ROBO2: variants seen among roughly 807,000 people sequenced by gnomAD.
ROBO2 encodes roundabout guidance receptor 2, also known as roundabout homolog 2.
A neutral mutation model predicts 160.8 loss-of-function variants in ROBO2; 53 were observed. The ratio of observed to expected loss-of-function variants is 0.33; its 90% CI spans 0.26 to 0.41. The LOEUF is 0.41. ROBO2 is among the 10% of genes least tolerant of loss of function. The pLI, the probability that ROBO2 is intolerant of heterozygous loss-of-function variation, is 1.00. For missense variants in ROBO2, 1,577 were observed against 1,722.4 expected (o/e 0.92, Z 1.49); for synonymous variants, 664 against 611.7 (o/e 1.09, Z -1.26).
At chr3:76,495,581 A>G (rs1048751462) in intron 2 of ROBO2, among the ~76,000 whole-genome samples, 1 of 140,246 alleles carries the variant, frequency 7.1e-6, no homozygotes, top group Non-Finnish European at 1.6e-5. Context: ...TAGGCTATAG[A>G]CCATTTTCTA....
At chr3:77,622,530 A>C in intron 23 of ROBO2, 98 bp downstream of exon 24, 1 of 981,294 alleles carries the variant, frequency 1.0e-6, no homozygotes, top group Non-Finnish European at 1.6e-6. Flanking sequence ...ATTCCACTCC[A>C]TCTATTTCTG....
chr3:76,238,895 A>G (rs530035048), intron 2 of ROBO2, among the ~76,000 whole-genome samples: 1 of 152,306 alleles, frequency 6.6e-6, no homozygotes, highest in South Asian at 2.1e-4. Flanking sequence ...CTGCTTTTAG[A>G]GAGTAGATTG....
intron 12 of ROBO2, among the ~76,000 whole-genome samples, chr3:77,567,087 GAA>G (rs561362156): frequency 1.4e-5 from 2 of 141,362 alleles, no homozygotes; most frequent in African/African-American, 5.1e-5. Context: ...TGTTAAAAAT[GAA>G]AAAAAAAAAG....
chr3:76,138,521 G>A (rs948976376), intron 2 of ROBO2, among the ~76,000 whole-genome samples: 10 of 151,986 alleles, frequency 6.6e-5, no homozygotes, highest in African/African-American at 2.2e-4. Flanking sequence ...TGGCACATTA[G>A]CATTTTCAAT....
At chr3:76,622,222 G>GAAAGAAAGAAAGAAAGAAAGAAAGAAA (rs1560251541) in intron 2 of ROBO2, among the ~76,000 whole-genome samples, 4 of 52,456 alleles carry the variant, frequency 7.6e-5, no homozygotes, top group African/African-American at 2.6e-4. Context: ...AAGGAAGGAA[G>GAAAGAAAGAAAGAAAGAAAGAAAGAAA]GAAGGAAGGA....
chr3:77,060,187 G>T (rs1317669670), intron 1 of ROBO2, among the ~76,000 whole-genome samples: 2 of 152,122 alleles, frequency 1.3e-5, no homozygotes, highest in Non-Finnish European at 2.9e-5. Context: ...TATAGCATTG[G>T]GTGTGTTGGT....
chr3:76,248,649 GA>G (rs946518595), intron 2 of ROBO2, among the ~76,000 whole-genome samples: 4 of 123,450 alleles, frequency 3.2e-5, no homozygotes, highest in East Asian at 2.8e-4. Flanking sequence ...AATAATAAAA[GA>G]AAAAAAACTT....
At chr3:77,366,811 G>C (rs2070949272) in intron 2 of ROBO2, among the ~76,000 whole-genome samples, 1 of 151,974 alleles carries the variant, frequency 6.6e-6, no homozygotes, top group Non-Finnish European at 1.5e-5. Context: ...GAGAGATACA[G>C]AGAGAGAAAG....
At chr3:77,564,961 G>A (rs772792868) in exon 12 of ROBO2, 1 of 1,613,302 alleles carries the variant, frequency 6.2e-7, no homozygotes, top group Non-Finnish European at 8.5e-7. Flanking sequence ...CAGCCAATCA[G>A]TGAGCAACAG....
At chr3:77,216,917 G>C (rs1052019959) in intron 2 of ROBO2, among the ~76,000 whole-genome samples, 2 of 151,814 alleles carry the variant, frequency 1.3e-5, no homozygotes, top group African/African-American at 2.4e-5. Context: ...AGATAGATTA[G>C]GGAGACCAGG....
At chr3:77,296,448 A>G (rs1258439036) in intron 2 of ROBO2, among the ~76,000 whole-genome samples, 1 of 152,158 alleles carries the variant, frequency 6.6e-6, no homozygotes, top group Non-Finnish European at 1.5e-5. Context: ...CTAGGGCACG[A>G]AGTCACACAC....
chr3:77,444,500 G>C (rs990256577), intron 2 of ROBO2, among the ~76,000 whole-genome samples: 1 of 152,088 alleles, frequency 6.6e-6, no homozygotes, highest in Non-Finnish European at 1.5e-5. Flanking sequence ...CTGTCTGTTG[G>C]TGTTTTTTAG....
intron 1 of ROBO2, among the ~76,000 whole-genome samples, chr3:77,065,237 A>G (rs1043568185): frequency 6.6e-6 from 1 of 152,194 alleles, no homozygotes; most frequent in African/African-American, 2.4e-5. Flanking sequence ...GAGTAGAGCA[A>G]TAAATCACAT....
rs2072184230 is a variant in ROBO2, at chr3:77,373,832, G to T, written c.389-103582G>T. 2.7e-5 allele frequency among the ~76,000 whole-genome samples: 4 copies of T among 150,108 alleles called. No individual in the cohort carries two copies. The South Asian group carries it at 8.4e-4, about 32-fold the overall frequency. ...TTGCTGTTTTCATTCACTCCCACAG[G>T]GGTGATTATAGAGCAGCCTCAACAC... On this transcript the variant is annotated intron_variant, in intron 2 of 25. Coordinates refer to ENST00000461745, the Ensembl canonical transcript of ROBO2.
chr3:77,551,245 T>A (rs1410638036), intron 8 of ROBO2, among the ~76,000 whole-genome samples: 2 of 152,022 alleles, frequency 1.3e-5, no homozygotes, highest in Non-Finnish European at 2.9e-5. Context: ...TAAATAAATG[T>A]CATCACACTC....
chr3:77,568,549 G>C, intron 13 of ROBO2, 115 bp downstream of exon 14: 1 of 1,235,048 alleles, frequency 8.1e-7, no homozygotes, highest in Non-Finnish European at 1.2e-6. Flanking sequence ...TAAAATCAAG[G>C]TGTAATCAAT....
chr3:76,648,216 A>G (rs1217337601), intron 2 of ROBO2, among the ~76,000 whole-genome samples: 1 of 152,186 alleles, frequency 6.6e-6, no homozygotes, highest in Non-Finnish European at 1.5e-5. Context: ...ATGCAATTCA[A>G]TTAGATGAGG....
chr3:77,285,329 G>T (rs2060508601), intron 2 of ROBO2, among the ~76,000 whole-genome samples: 1 of 152,070 alleles, frequency 6.6e-6, no homozygotes, highest in African/African-American at 2.4e-5. Flanking sequence ...CAAAAAAAGA[G>T]AAAATGAAAG....
intron 2 of ROBO2, among the ~76,000 whole-genome samples, chr3:76,676,883 G>A (rs7646877): frequency 0.54 from 81,840 of 151,566 alleles, 22,822 homozygotes; most frequent in East Asian, 0.8. Flanking sequence ...TCTTCTTTAG[G>A]TTCATGCCCA....
Sources: allele counts gnomAD v4.1 joint callset (sites outside exome capture counted in the v4.1 genomes callset), GRCh38; gene constraint gnomAD v4.1.1; transcripts MANE v1.5; gene names NCBI Gene and HGNC (gene_info 2026-07-23, HGNC 2026-07-21).